The following ZNF236 variants were observed in gnomAD, a reference collection of about 807,000 sequenced individuals.
The protein encoded by ZNF236 is zinc finger protein 236.
Under a neutral mutation model 191.2 loss-of-function variants are expected in ZNF236, and 50 were observed. The ratio of observed to expected loss-of-function variants is 0.26; its 90% CI spans 0.21 to 0.33. The LOEUF is 0.33. Among genes scored for constraint, ZNF236 ranks in the 10% least tolerant of loss-of-function variants. The pLI is 1.00. For missense variants in ZNF236, 1,754 were observed against 2,374.5 expected, an observed-to-expected ratio of 0.74 and a Z score of 5.43; for synonymous variants, 907 against 928.8, an observed-to-expected ratio of 0.98 and a Z score of 0.43.
intron 1 of ZNF236, among the ~76,000 whole-genome samples, chr18:76,837,710 G>T (rs1481895620): frequency 1.3e-5 from 2 of 151,986 alleles, no homozygotes; most frequent in Admixed American, 1.3e-4. Context: ...CAAAGTGCTG[G>T]GATTACAGGC....
chr18:76,843,574 G>A (rs1433775344), intron 1 of ZNF236, among the ~76,000 whole-genome samples: 5 of 149,548 alleles, frequency 3.3e-5, no homozygotes, highest in Non-Finnish European at 5.9e-5. Flanking sequence ...TCAGGAGTTC[G>A]AGACCATCCT....
chr18:76,887,489 C>T (rs558609750), intron 9 of ZNF236: 80 of 152,316 alleles, frequency 5.3e-4, no homozygotes, highest in African/African-American at 1.8e-3. Flanking sequence ...TAACCCAGTC[C>T]TAGCAGCATA....
chr18:76,848,321 T>C (rs1201735300), intron 1 of ZNF236, among the ~76,000 whole-genome samples: 2 of 152,234 alleles, frequency 1.3e-5, no homozygotes, highest in Non-Finnish European at 2.9e-5. Context: ...AAGTCTAATA[T>C]TTTTGGATCA....
At chr18:76,945,676 TG>T (rs1968242569) in intron 26 of ZNF236, among the ~76,000 whole-genome samples, 1 of 152,078 alleles carries the variant, frequency 6.6e-6, no homozygotes, top group Non-Finnish European at 1.5e-5. Flanking sequence ...CCCAGCTACT[TG>T]GGAGGCTGAG....
chr18:76,865,123 G>T (rs577616641), intron 3 of ZNF236, among the ~76,000 whole-genome samples: 12 of 152,110 alleles, frequency 7.9e-5, no homozygotes, highest in Admixed American at 5.2e-4. Context: ...GATCACCTGA[G>T]GTCAGGAGTT....
chr18:76,877,646 AACTGTCT>A (rs1478473091), intron 6 of ZNF236, among the ~76,000 whole-genome samples: 1 of 152,218 alleles, frequency 6.6e-6, no homozygotes. Context: ...ATTTATATAT[AACTGTCT>A]GGCCTTTGCT....
intron 11 of ZNF236, 36 bp from the exon 12 acceptor site, chr18:76,904,344 A>G (rs769252416): frequency 6.4e-7 from 1 of 1,570,540 alleles, no homozygotes; most frequent in South Asian, 1.2e-5. Context: ...ACTAGCATTG[A>G]CAGTGAATTA....
chr18:76,966,475 G>A (rs1451288276), intron 30 of ZNF236, among the ~76,000 whole-genome samples: 2 of 152,176 alleles, frequency 1.3e-5, no homozygotes, highest in Non-Finnish European at 2.9e-5. Flanking sequence ...TGAGCAGCTC[G>A]TTTCTCACTG....
intron 4 of ZNF236, among the ~76,000 whole-genome samples, chr18:76,869,588 C>T (rs1322994158): frequency 1.3e-5 from 2 of 152,130 alleles, no homozygotes; most frequent in African/African-American, 4.8e-5. Context: ...TTCTTCCTGG[C>T]CCTTTGCTCA....
At chr18:76,865,672 G>C (rs1161859393) in intron 3 of ZNF236, among the ~76,000 whole-genome samples, 6 of 152,116 alleles carry the variant, frequency 3.9e-5, no homozygotes, top group Non-Finnish European at 8.8e-5. Flanking sequence ...CAGTATTGGG[G>C]GCACCAGTGC....
At chr18:76,956,993 T>C (rs187596054) in intron 28 of ZNF236, among the ~76,000 whole-genome samples, 3 of 152,252 alleles carry the variant, frequency 2.0e-5, no homozygotes, top group Non-Finnish European at 4.4e-5. Flanking sequence ...AAAAACCCCG[T>C]AACATGAGAA....
At chr18:76,847,170 T>C (rs1975715351) in intron 1 of ZNF236, among the ~76,000 whole-genome samples, 1 of 152,212 alleles carries the variant, frequency 6.6e-6, no homozygotes, top group Admixed American at 6.5e-5. Context: ...TAATTCCTTC[T>C]CATTTTTGGG....
rs1967646703 is a variant in ZNF236, at chr18:76,925,397, C to T, written c.3870C>T (p.Ser1290=). The change falls in exon 22 of 31, where the codon AGC becomes AGT. Residue 1290 remains serine, a synonymous_variant. Transcript: ENST00000320610. The surrounding 1 kb of genome is among the most constrained non-coding windows in gnomAD (Gnocchi z 5.7). ...AGGCCAGAAAGCCTATGACTCGAAG[C>T]TCATCGGAAGGACTGCAGCCTGTAA... ...PKKARKPMTR[S]SSEGLQPVNL... The T allele has an allele frequency of 1.2e-6, 2 of 1,614,094 alleles. No individual in the cohort carries two copies. Among genetic ancestry groups the T allele is most frequent in the South Asian group, 1.1e-5 (1 of 91,084 alleles).
intron 4 of ZNF236, 148 bp from the exon 5 acceptor site, chr18:76,871,553 C>T: frequency 1.3e-6 from 1 of 798,932 alleles, no homozygotes; most frequent in Non-Finnish European, 2.0e-6. Context: ...CACATATACA[C>T]ACAGACACAT....
Position 76,972,190 on chromosome 18 carries a change from A to G in ZNF236, c.*3851A>G, listed in dbSNP as rs1968916289. On this transcript the variant is annotated 3_prime_UTR_variant, in exon 31 of 31. Coordinates refer to ENST00000320610, the MANE Select transcript of ZNF236 (RefSeq NM_001306089.2). ...TACTTGGGGCCTCTACACCTTTCCC[A>G]TATTCTAATGAAAAGATCGTACGCC... Among the ~76,000 whole-genome samples, 2 of 152,224 alleles carry G rather than the reference A, an allele frequency of 1.3e-5. No individual in the cohort carries two copies. The highest frequency in any genetic ancestry group is 4.8e-5 in the African/African-American group (2 of 41,450).
At chr18:76,829,575 C>T (rs1054457706) in intron 1 of ZNF236, among the ~76,000 whole-genome samples, 2 of 152,204 alleles carry the variant, frequency 1.3e-5, no homozygotes, top group Non-Finnish European at 2.9e-5. Flanking sequence ...CTATCCCCTG[C>T]CTTAGCCTCC....
intron 3 of ZNF236, among the ~76,000 whole-genome samples, chr18:76,852,667 C>G (rs1975913105): frequency 6.6e-6 from 1 of 151,928 alleles, no homozygotes; most frequent in African/African-American, 2.4e-5. Flanking sequence ...AAAACCTTCT[C>G]TGAACTCCCC....
chr18:76,844,169 G>C (rs1975607912), intron 1 of ZNF236, among the ~76,000 whole-genome samples: 1 of 151,782 alleles, frequency 6.6e-6, no homozygotes, highest in Non-Finnish European at 1.5e-5. Flanking sequence ...GAACCTGGGA[G>C]GTGGAGGTTG....
intron 9 of ZNF236, chr18:76,885,710 G>T: frequency 6.2e-6 from 1 of 160,498 alleles, no homozygotes; most frequent in Non-Finnish European, 1.4e-5. Flanking sequence ...CTTGATAAAA[G>T]GAATGAGTTC....
Sources: allele counts gnomAD v4.1 joint callset (sites outside exome capture counted in the v4.1 genomes callset), GRCh38; gene constraint gnomAD v4.1.1; non-coding constraint Gnocchi (gnomAD v3.1); transcripts MANE v1.5; gene names NCBI Gene and HGNC (gene_info 2026-07-23, HGNC 2026-07-21).